The following FOXN3 variants were observed in gnomAD, a reference collection of about 807,000 sequenced individuals.
The protein encoded by FOXN3 is forkhead box protein N3.
FOXN3 carries 7 observed loss-of-function variants against 38.4 expected under a neutral mutation model. The observed-to-expected ratio is 0.18, with a 90% CI of 0.10 to 0.34. The LOEUF (loss-of-function observed/expected upper bound fraction) is 0.34, where lower values mean the gene tolerates loss of function less well. Ranked by LOEUF, FOXN3 falls within the 10% of genes least tolerant of loss-of-function variation. FOXN3 has a pLI of 1.00. For synonymous variants in FOXN3, 230 were observed against 242.2 expected, an observed-to-expected ratio of 0.95 and a Z score of 0.47; for missense variants, 456 against 613.4, an observed-to-expected ratio of 0.74 and a Z score of 2.71.
rs191802546 is a variant in FOXN3, at chr14:89,194,316, A to G, written c.746-13510T>C. Among the ~76,000 whole-genome samples the G allele has an allele frequency of 5.6e-3, 849 of 152,306 alleles. 8 individuals are homozygous for G. Among genetic ancestry groups the G allele is most frequent in the African/African-American group, 0.019 (807 of 41,564 alleles). ...TTTCATTTGTGAGTGTACTAGATAT[A>G]ACACTTTCTTGGTCCAATATCCAGA... On this transcript the variant is annotated intron_variant, in intron 4 of 5. Transcript: ENST00000557258.
chr14:89,293,247 C>G (rs578083234), intron 3 of FOXN3, among the ~76,000 whole-genome samples: 89 of 152,366 alleles, frequency 5.8e-4, no homozygotes, highest in African/African-American at 2.0e-3. Flanking sequence ...CAGCTTCCCC[C>G]CTCTGCCTTG....
chr14:89,551,322 T>C (rs1895001640), intron 1 of FOXN3, among the ~76,000 whole-genome samples: 1 of 152,184 alleles, frequency 6.6e-6, no homozygotes. Context: ...TCCTGTCTTC[T>C]GCACAATCAG....
chr14:89,325,350 C>T (rs1057082427), intron 3 of FOXN3, among the ~76,000 whole-genome samples: 22 of 144,596 alleles, frequency 1.5e-4, no homozygotes, highest in South Asian at 4.6e-4. Context: ...CCACCACCAC[C>T]ACCACCACCA....
At chr14:89,537,606 A>T (rs1483076167) in intron 1 of FOXN3, among the ~76,000 whole-genome samples, 3 of 152,242 alleles carry the variant, frequency 2.0e-5, no homozygotes, top group African/African-American at 4.8e-5. Flanking sequence ...GAGCCAAAGC[A>T]GCTCCCACAT....
chr14:89,405,911 C>T (rs185620817), intron 2 of FOXN3, among the ~76,000 whole-genome samples: 3 of 152,074 alleles, frequency 2.0e-5, no homozygotes, highest in East Asian at 3.9e-4. Context: ...TGGAGGGAAT[C>T]GGGCCAAGCA....
At chr14:89,284,541 A>G in intron 3 of FOXN3, 1 of 456,080 alleles carries the variant, frequency 2.2e-6, no homozygotes, top group African/African-American at 2.0e-5. Flanking sequence ...GAAGGCTGTG[A>G]ATGGTATTTT....
intron 3 of FOXN3, among the ~76,000 whole-genome samples, chr14:89,296,968 G>A (rs1195268183): frequency 6.6e-6 from 1 of 152,186 alleles, no homozygotes; most frequent in African/African-American, 2.4e-5. Context: ...GGCTGGAGGA[G>A]AGGAGAAACA....
intron 1 of FOXN3, among the ~76,000 whole-genome samples, chr14:89,452,777 G>A (rs1432098245): frequency 6.6e-6 from 1 of 152,182 alleles, no homozygotes; most frequent in African/African-American, 2.4e-5. Context: ...CGAGACTTTA[G>A]TTTCAGGTTT....
chr14:89,221,129 TG>T (rs1380694522), intron 4 of FOXN3, among the ~76,000 whole-genome samples: 1 of 152,134 alleles, frequency 6.6e-6, no homozygotes, highest in Non-Finnish European at 1.5e-5. Context: ...CCTAGTGTGG[TG>T]TAAGGGCCAC....
chr14:89,616,521 A>ACCCCCCCCCCCCCCCCCCCCCCCC (rs1161046760), intron 1 of FOXN3, among the ~76,000 whole-genome samples: 14 of 137,888 alleles, frequency 1.0e-4, no homozygotes, highest in East Asian at 2.2e-4. Flanking sequence ...TCACTCCCCA[A>ACCCCCCCCCCCCCCCCCCCCCCCC]CCCCACCCCC....
chr14:89,503,939 T>C (rs1893855461), intron 1 of FOXN3, among the ~76,000 whole-genome samples: 1 of 152,164 alleles, frequency 6.6e-6, no homozygotes, highest in South Asian at 2.1e-4. Flanking sequence ...GCCCATCGGA[T>C]TTGCCCCTTA....
chr14:89,506,929 A>T (rs1893952543), intron 1 of FOXN3, among the ~76,000 whole-genome samples: 1 of 152,154 alleles, frequency 6.6e-6, no homozygotes, highest in Non-Finnish European at 1.5e-5. Context: ...TGAAGGCAGC[A>T]TGCTCGTTAA....
At chr14:89,230,742 C>T (rs897698802) in intron 4 of FOXN3, 5 of 375,590 alleles carry the variant, frequency 1.3e-5, no homozygotes, top group Non-Finnish European at 2.2e-5. Context: ...GCGCCACACA[C>T]TCTTTATTAA....
At chr14:89,521,358 T>TAGAGAGAGAGAGAGAG (rs199686142) in intron 1 of FOXN3, among the ~76,000 whole-genome samples, 19 of 124,964 alleles carry the variant, frequency 1.5e-4, no homozygotes, top group African/African-American at 5.1e-4. Flanking sequence ...AGATGATAGA[T>TAGAGAGAGAGAGAGAG]AGAGAGAGAG....
chr14:89,296,411 C>G (rs1733310960), intron 3 of FOXN3, among the ~76,000 whole-genome samples: 2 of 152,204 alleles, frequency 1.3e-5, no homozygotes, highest in African/African-American at 4.8e-5. Flanking sequence ...ATGGGCCACT[C>G]TATATAAATG....
chr14:89,509,806 A>G (rs902638919), intron 1 of FOXN3, among the ~76,000 whole-genome samples: 1 of 152,254 alleles, frequency 6.6e-6, no homozygotes, highest in East Asian at 1.9e-4. Context: ...AATCTCAAGG[A>G]CACCAATGAA....
At chr14:89,168,448 T>C (rs1883668044) in intron 5 of FOXN3, among the ~76,000 whole-genome samples, 2 of 152,082 alleles carry the variant, frequency 1.3e-5, no homozygotes, top group South Asian at 4.1e-4. Context: ...CTGGGCAACA[T>C]AGCAAGACCC....
At chr14:89,593,606 T>C (rs1252561255) in intron 1 of FOXN3, among the ~76,000 whole-genome samples, 2 of 152,222 alleles carry the variant, frequency 1.3e-5, no homozygotes, top group African/African-American at 4.8e-5. Context: ...TAATTTTAAA[T>C]TGATTAAAAG....
At position 89,162,253 on chromosome 14, in the gene FOXN3, G is replaced by T; in HGVS notation, c.*161C>A. The T allele has an allele frequency of 1.7e-6, 1 of 582,820 alleles. No homozygotes were observed. Among genetic ancestry groups the T allele is most frequent in the East Asian group, 3.1e-5 (1 of 32,536 alleles). 36.1% of individuals were successfully genotyped at this position (582,820 alleles called of 1,614,324 possible). The stretch of plus-strand genomic sequence containing the variant: ...TTAAGGGTCCAAAACAAAGAAGAGG[G>T]GGCAAATTAAAACAAAATAAAAGGA... On this transcript the variant is annotated 3_prime_UTR_variant, in exon 6 of 6. Coordinates refer to ENST00000557258, the MANE Select transcript of FOXN3 (RefSeq NM_005197.4). The surrounding 1 kb of genome is among the most constrained non-coding windows in gnomAD (Gnocchi z 7.2).
Sources: allele counts gnomAD v4.1 joint callset (sites outside exome capture counted in the v4.1 genomes callset), GRCh38; gene constraint gnomAD v4.1.1; non-coding constraint Gnocchi (gnomAD v3.1); transcripts MANE v1.5; gene names NCBI Gene and HGNC (gene_info 2026-07-23, HGNC 2026-07-21).